The following ACTN1 variants were observed in gnomAD, a reference collection of about 807,000 sequenced individuals.
The protein encoded by ACTN1 is alpha-actinin-1.
Under a neutral mutation model 119.6 loss-of-function variants are expected in ACTN1, and 30 were observed. The ratio of observed to expected loss-of-function variants is 0.25; its 90% CI spans 0.19 to 0.34. ACTN1 has a LOEUF of 0.34. Among genes scored for constraint, ACTN1 ranks in the 10% least tolerant of loss-of-function variants. ACTN1 has a pLI of 1.00. For synonymous variants in ACTN1, 429 were observed against 472.6 expected (o/e 0.91, Z 1.20); for missense variants, 764 against 1,223.4 (o/e 0.62, Z 5.60).
chr14:68,876,133 A>G (rs536619118), intron 21 of ACTN1, among the ~76,000 whole-genome samples: 4 of 152,310 alleles, frequency 2.6e-5, no homozygotes, highest in African/African-American at 9.6e-5. Flanking sequence ...AGTAGCTGGA[A>G]TTACAGGTGC....
intron 10 of ACTN1, among the ~76,000 whole-genome samples, chr14:68,890,772 C>T (rs938131628): frequency 6.6e-6 from 1 of 152,214 alleles, no homozygotes; most frequent in African/African-American, 2.4e-5. Context: ...CTGGAGCCTA[C>T]AGAGACCCCG....
chr14:68,889,629 C>T (rs1419337367), intron 11 of ACTN1, among the ~76,000 whole-genome samples: 1 of 152,128 alleles, frequency 6.6e-6, no homozygotes, highest in Non-Finnish European at 1.5e-5. Flanking sequence ...ACTAAAAATA[C>T]AAAAATCAGC....
At chr14:68,907,600 G>A (rs540598987) in intron 6 of ACTN1, among the ~76,000 whole-genome samples, 3 of 152,220 alleles carry the variant, frequency 2.0e-5, no homozygotes, top group East Asian at 1.9e-4. Flanking sequence ...AAAAAACACA[G>A]AAGGAGAGGC....
chr14:68,935,574 C>T (rs572343974), intron 1 of ACTN1, among the ~76,000 whole-genome samples: 12 of 151,038 alleles, frequency 7.9e-5, no homozygotes, highest in African/African-American at 1.9e-4. Flanking sequence ...TTAGTAGAGA[C>T]GGGGTTTTGC....
intron 11 of ACTN1, among the ~76,000 whole-genome samples, chr14:68,888,941 C>T (rs986669372): frequency 2.0e-5 from 3 of 152,208 alleles, no homozygotes; most frequent in Non-Finnish European, 4.4e-5. Flanking sequence ...CTACACCAAG[C>T]CAAGCCACTC....
chr14:68,918,304 G>A (rs920456722), intron 3 of ACTN1, among the ~76,000 whole-genome samples: 4 of 152,176 alleles, frequency 2.6e-5, no homozygotes, highest in Admixed American at 6.5e-5. Flanking sequence ...AGTTCTGGCC[G>A]GGCGCGGTGG....
intron 20 of ACTN1, 40 bp from the exon 21 acceptor site, chr14:68,877,280 C>T: frequency 6.2e-7 from 1 of 1,611,386 alleles, no homozygotes; most frequent in South Asian, 1.1e-5. Flanking sequence ...CAGCCCATGG[C>T]CTGCTGGGAA....
rs758714570 is a variant in ACTN1 at position 68,875,015 on chromosome 14, G to T, written c.2589C>A (p.Asn863Lys). The change falls in exon 22 of 22, where the codon AAC (asparagine) becomes AAA (lysine). Residue 863 changes from asparagine (N) to lysine (K), a missense_variant and splice_region_variant. Physicochemically the swap from Asn to Lys is moderately conservative, Grantham distance 94. Transcript: ENST00000394419. ...ASFKILAGDK[N>K]YITMDELRRE... ...GGCGCAGCTCGTCCATGGTAATGTA[G>T]TTCTGCGAGGAGAGAGTGGTCAGGA... 6.2e-7 allele frequency: 1 copy of T among 1,613,054 alleles called. No individual in the cohort carries two copies. The highest frequency in any genetic ancestry group is 1.1e-5 in the South Asian group (1 of 91,080).
At chr14:68,955,568 C>T (rs563905467) in intron 1 of ACTN1, among the ~76,000 whole-genome samples, 8 of 152,280 alleles carry the variant, frequency 5.3e-5, no homozygotes, top group African/African-American at 1.7e-4. Context: ...GCCCTCTCTC[C>T]GCAGGAAACC....
chr14:68,889,998 TG>T, intron 11 of ACTN1, 140 bp downstream of exon 11: 1 of 1,281,130 alleles, frequency 7.8e-7, no homozygotes, highest in Non-Finnish European at 1.1e-6. Flanking sequence ...AGAAGGCTAA[TG>T]AACTTGCCTA....
At chr14:68,949,683 G>A (rs1248766736) in intron 1 of ACTN1, among the ~76,000 whole-genome samples, 1 of 152,184 alleles carries the variant, frequency 6.6e-6, no homozygotes, top group Non-Finnish European at 1.5e-5. Context: ...GTTCACAACG[G>A]CCAAAAGGGG....
At chr14:68,918,227 CCT>C (rs1465493653) in intron 3 of ACTN1, among the ~76,000 whole-genome samples, 1 of 152,172 alleles carries the variant, frequency 6.6e-6, no homozygotes, top group Non-Finnish European at 1.5e-5. Flanking sequence ...ACTCCTCACC[CCT>C]GAGGCCAGCA....
chr14:68,968,803 T>C (rs1366650969), intron 1 of ACTN1, among the ~76,000 whole-genome samples: 1 of 152,244 alleles, frequency 6.6e-6, no homozygotes, highest in Non-Finnish European at 1.5e-5. Flanking sequence ...TTGTGAGGAT[T>C]ACATTAATAG....
intron 1 of ACTN1, among the ~76,000 whole-genome samples, chr14:68,977,108 A>G (rs1216916889): frequency 6.6e-6 from 1 of 152,178 alleles, no homozygotes; most frequent in Non-Finnish European, 1.5e-5. Context: ...CCTCCCAGGC[A>G]CAAAGCAGGT....
intron 8 of ACTN1, among the ~76,000 whole-genome samples, chr14:68,895,909 G>A (rs2032840293): frequency 6.6e-6 from 1 of 152,122 alleles, no homozygotes; most frequent in Non-Finnish European, 1.5e-5. Flanking sequence ...TGAAGTCTGG[G>A]GGAGATTCCG....
Position 68,912,251 on chromosome 14 carries a change from A to ACAG in ACTN1, c.341-12_341-10dup, listed in dbSNP as rs1566629614. The ACAG allele has an allele frequency of 2.5e-6, 4 of 1,613,264 alleles. No homozygotes were observed. The South Asian group carries it at 4.4e-5, about 18-fold the overall frequency. ...ATTCCCATCCACGATTTCTACAGAA[A>ACAG]CAGCAGCAGCACACATCAGAAAGGG... On this transcript the variant is annotated splice_polypyrimidine_tract_variant and intron_variant, in intron 3 of 21. Coordinates refer to ENST00000394419, the MANE Select transcript of ACTN1 (RefSeq NM_001130004.2).
chr14:68,954,589 G>C (rs1020407595), intron 1 of ACTN1, among the ~76,000 whole-genome samples: 1 of 152,060 alleles, frequency 6.6e-6, no homozygotes, highest in Non-Finnish European at 1.5e-5. Context: ...GCCTCCCAAA[G>C]TGCTGGGATT....
Position 68,882,715 on chromosome 14 carries a change from C to T in ACTN1, c.1819-123G>A. 1 of 1,519,044 alleles carries T rather than the reference C, an allele frequency of 6.6e-7. No individual in the cohort carries two copies. The highest frequency in any genetic ancestry group is 9.0e-7 in the Non-Finnish European group (1 of 1,117,156). 94.1% of individuals were successfully genotyped at this position (1,519,044 alleles called of 1,614,324 possible). A position where few individuals can be genotyped will look rare whatever the true frequency, so the allele number is the denominator to read the frequency against. ...AGTAACAGAACAGGAGTAAAGGTGT[C>T]AACCTGTTCTGGAAACCCAGTCATT... On this transcript the variant is annotated intron_variant, in intron 15 of 21. Transcript: ENST00000394419. This position sits in a 1 kb window ranked among gnomAD's most constrained non-coding sequence, Gnocchi z 4.5.
intron 2 of ACTN1, among the ~76,000 whole-genome samples, chr14:68,921,973 C>G (rs1182472984): frequency 6.6e-6 from 1 of 152,178 alleles, no homozygotes; most frequent in African/African-American, 2.4e-5. Flanking sequence ...ACCCCATTAA[C>G]AGCACTTTTA....
Sources: gnomAD v4.1 joint callset for allele counts (sites outside exome capture counted in the v4.1 genomes callset) on GRCh38, gnomAD v4.1.1 for gene constraint, Gnocchi (gnomAD v3.1) non-coding constraint, MANE v1.5 for transcripts, NCBI Gene and HGNC (gene_info 2026-07-23, HGNC 2026-07-21) for gene names.